ADCY5: variants seen among roughly 807,000 people sequenced by gnomAD.
ADCY5 encodes adenylate cyclase type 5.
ADCY5 carries 30 observed loss-of-function variants against 119.7 expected under a neutral mutation model. The ratio of observed to expected loss-of-function variants is 0.25; its 90% CI spans 0.19 to 0.34. The LOEUF is 0.34. Ranked by LOEUF, ADCY5 falls within the 10% of genes least tolerant of loss-of-function variation. The pLI, the probability that ADCY5 is intolerant of heterozygous loss-of-function variation, is 1.00. For missense variants in ADCY5, 1,324 were observed against 1,775.2 expected, an observed-to-expected ratio of 0.75 and a Z score of 4.57; for synonymous variants, 753 against 762.2, an observed-to-expected ratio of 0.99 and a Z score of 0.20.
At chr3:123,364,937 T>C (rs1943381135) in intron 1 of ADCY5, among the ~76,000 whole-genome samples, 1 of 139,668 alleles carries the variant, frequency 7.2e-6, no homozygotes, top group African/African-American at 3.1e-5. Flanking sequence ...GTTTTTCACT[T>C]TTTTTTTTTT....
chr3:123,357,196 T>C (rs1182548178), intron 1 of ADCY5, among the ~76,000 whole-genome samples: 1 of 150,896 alleles, frequency 6.6e-6, no homozygotes, highest in Non-Finnish European at 1.5e-5. Flanking sequence ...TGCAGAACAA[T>C]GCACTAAAAA....
In ADCY5 at chr3:123,448,273, C is replaced by G; in HGVS notation, c.273G>C (p.Gly91=). ...PPLSGDDPLA[G]GFGFSFRSKS... Reference sequence around the variant, plus strand: ...TGGAGCGGAAGCTGAAGCCGAAGCCCCCGGCCAGGGGGTCGTCACCGCTCA... The same window carrying G: ...TGGAGCGGAAGCTGAAGCCGAAGCCGCCGGCCAGGGGGTCGTCACCGCTCA... Residue 91 remains glycine, a synonymous_variant, in exon 1 of 21, where the codon GGG becomes GGC. Transcript: ENST00000462833. The G allele has an allele frequency of 1.3e-6, 2 of 1,518,650 alleles. No individual in the cohort carries two copies. Among genetic ancestry groups the G allele is most frequent in the African/African-American group, 2.9e-5 (2 of 69,970 alleles). The allele number at this position is 1,518,650 out of a possible 1,614,324, so 94.1% of individuals were successfully genotyped here. A position where few individuals can be genotyped will look rare whatever the true frequency, so the allele number is the denominator to read the frequency against.
Position 123,285,153 on chromosome 3 carries a change from G to A in ADCY5, c.3658-417C>T, listed in dbSNP as rs541075017. Among the ~76,000 whole-genome samples, 8 of 152,264 alleles carry A rather than the reference G, an allele frequency of 5.3e-5. No individual in the cohort carries two copies. The South Asian group carries it at 8.3e-4, about 16-fold the overall frequency. On this transcript the variant is annotated intron_variant, in intron 20 of 20. Coordinates refer to ENST00000462833, the MANE Select transcript of ADCY5 (RefSeq NM_183357.3). ...GTGCATTGTACAAAAGCATCCCTCC[G>A]TGACAGATCAGAACGATTTTTAAAA...
At chr3:123,297,988 A>G (rs188277737) in intron 15 of ADCY5, among the ~76,000 whole-genome samples, 90 of 152,238 alleles carry the variant, frequency 5.9e-4, no homozygotes, top group Admixed American at 2.6e-3. Flanking sequence ...TTTAAATTAC[A>G]TAAGTGGCTT....
At position 123,304,025 on chromosome 3, in the gene ADCY5, A is replaced by G. The variant is rs962758084; in HGVS notation, c.2559+42T>C. ...TACATGGCTCCACTGGGTTTGATCC[A>G]ATGGGGCTGCGGAGGTGCTAGGAGG... On this transcript the variant is annotated intron_variant, in intron 13 of 20. Coordinates refer to ENST00000462833, the MANE Select transcript of ADCY5 (RefSeq NM_183357.3). The G allele has an allele frequency of 3.7e-6, 5 of 1,366,174 alleles. No individual in the cohort carries two copies. In the African/African-American group the frequency reaches 4.3e-5, roughly 12 times the overall value. The allele number at this position is 1,366,174 out of a possible 1,614,324, so 84.6% of individuals were successfully genotyped here. A position where few individuals can be genotyped will look rare whatever the true frequency, so the allele number is the denominator to read the frequency against.
At chr3:123,303,266 G>C in intron 13 of ADCY5, 47 bp from the exon 14 acceptor site, 1 of 1,582,890 alleles carries the variant, frequency 6.3e-7, no homozygotes, top group Non-Finnish European at 8.6e-7. Context: ...GCTGCTGGGG[G>C]ACAGGTAGAG....
At chr3:123,330,569 G>A (rs111920465) in intron 5 of ADCY5, among the ~76,000 whole-genome samples, 63 of 152,290 alleles carry the variant, frequency 4.1e-4, no homozygotes, top group African/African-American at 1.4e-3. Context: ...ATGAGGCCCC[G>A]GAAGTGCAAG....
At chr3:123,396,061 G>GGAGAGAGAGAGGGAGGGAGA (rs1559859667) in intron 1 of ADCY5, among the ~76,000 whole-genome samples, 1 of 19,942 alleles carries the variant, frequency 5.0e-5, no homozygotes, top group African/African-American at 1.7e-4. Flanking sequence ...AGGGAGGGAG[G>GGAGAGAGAGAGGGAGGGAGA]GTGGGAGGGA....
At chr3:123,436,189 C>T (rs1405991267) in intron 1 of ADCY5, among the ~76,000 whole-genome samples, 1 of 151,800 alleles carries the variant, frequency 6.6e-6, no homozygotes, top group East Asian at 1.9e-4. Context: ...TGCACCTGGC[C>T]AAGACCCCAT....
chr3:123,323,657 C>CTTATTT (rs763254663), intron 8 of ADCY5, among the ~76,000 whole-genome samples: 1 of 151,852 alleles, frequency 6.6e-6, no homozygotes, highest in African/African-American at 2.4e-5. Context: ...CCCTTTCTCC[C>CTTATTT]TTATTTTTAT....
At chr3:123,291,025 G>C (rs184813252) in intron 18 of ADCY5, 88 bp downstream of exon 18, 2 of 1,469,962 alleles carry the variant, frequency 1.4e-6, no homozygotes, top group African/African-American at 2.8e-5. Context: ...TGGTAGAAGG[G>C]GGCGCCAGGT....
At chr3:123,415,950 A>G (rs1186845257) in intron 1 of ADCY5, among the ~76,000 whole-genome samples, 2 of 152,246 alleles carry the variant, frequency 1.3e-5, no homozygotes, top group African/African-American at 2.4e-5. Context: ...AGTGAAATCA[A>G]TGCGGCAAAA....
intron 1 of ADCY5, among the ~76,000 whole-genome samples, chr3:123,407,720 C>T (rs1944936271): frequency 6.8e-6 from 1 of 146,612 alleles, no homozygotes; most frequent in South Asian, 2.2e-4. Flanking sequence ...ATTATATGAT[C>T]ATTCCACTGC....
At position 123,430,563 on chromosome 3, in the gene ADCY5, A is replaced by T. The variant is rs555027044; in HGVS notation, c.1134+16849T>A. Among the ~76,000 whole-genome samples, 3 of 152,366 alleles carry T rather than the reference A, an allele frequency of 2.0e-5. 1 individual carries two copies. In the South Asian group the frequency reaches 6.2e-4, roughly 32 times the overall value. On this transcript the variant is annotated intron_variant, in intron 1 of 20. Transcript: ENST00000462833. ...CGCACGGGGAAGATGTCAGATGGTG[A>T]CTAACGGGCTTTTCTAGGCCATTGT...
chr3:123,343,167 C>T (rs964381835), intron 3 of ADCY5, among the ~76,000 whole-genome samples: 5 of 152,210 alleles, frequency 3.3e-5, no homozygotes, highest in Admixed American at 3.3e-4. Context: ...ACTCAGCTGA[C>T]TAATTATTCA....
In ADCY5 at chr3:123,367,414, C is replaced by T. The variant is rs1328131301; in HGVS notation, c.1135-14833G>A. 2.0e-5 allele frequency among the ~76,000 whole-genome samples: 3 copies of T among 152,194 alleles called. No individual in the cohort carries two copies. In the East Asian group the frequency reaches 5.8e-4, roughly 29 times the overall value. ...GACCTCTGGGATAAGGAGACGTTTG[C>T]TTTGAGGCCTGGCAAGAGGTTTTGT... On this transcript the variant is annotated intron_variant, in intron 1 of 20. Transcript: ENST00000462833.
intron 6 of ADCY5, 44 bp from the exon 7 acceptor site, chr3:123,327,803 A>G (rs773926376): frequency 6.2e-7 from 1 of 1,607,362 alleles, no homozygotes; most frequent in Non-Finnish European, 8.5e-7. Context: ...AGAAAACTCA[A>G]AGTCATAATG....
At position 123,284,081 on chromosome 3, in the gene ADCY5, G is replaced by A. The variant is rs1938568553; in HGVS notation, c.*527C>T. The A allele has an allele frequency of 1.3e-5, 2 of 153,448 alleles. No individual in the cohort carries two copies. The highest frequency in any genetic ancestry group is 1.9e-4 in the East Asian group (1 of 5,212). The allele number at this position is 153,448 out of a possible 1,614,324, so 9.5% of individuals were successfully genotyped here. The stretch of plus-strand genomic sequence containing the variant: ...CGTGGAGGTGTGGGCAGAGGACCAC[G>A]ATGAAGGCCACAGTCCCTCCAAAGC... On this transcript the variant is annotated 3_prime_UTR_variant, in exon 21 of 21. Transcript: ENST00000462833.
At chr3:123,348,846 G>A (rs1942700714) in intron 2 of ADCY5, among the ~76,000 whole-genome samples, 1 of 151,992 alleles carries the variant, frequency 6.6e-6, no homozygotes, top group African/African-American at 2.4e-5. Flanking sequence ...CTTTCATTTT[G>A]GCTGCCTCCA....
Sources: allele counts gnomAD v4.1 joint callset (sites outside exome capture counted in the v4.1 genomes callset), GRCh38; gene constraint gnomAD v4.1.1; transcripts MANE v1.5; gene names NCBI Gene and HGNC (gene_info 2026-07-23, HGNC 2026-07-21).